The following HEG1 variants were observed in gnomAD, a reference collection of about 807,000 sequenced individuals.
The protein encoded by HEG1 is heart development protein with EGF like domains 1.
A neutral mutation model predicts 125.6 loss-of-function variants in HEG1; 56 were observed. The ratio of observed to expected loss-of-function variants is 0.45; its 90% CI spans 0.36 to 0.56. HEG1 has a LOEUF of 0.56. Ranked by LOEUF, HEG1 falls within the 20% of genes least tolerant of loss-of-function variation. HEG1 has a pLI of 0.00. For missense variants in HEG1, 1,523 were observed against 1,670.0 expected, an observed-to-expected ratio of 0.91 and a Z score of 1.53; for synonymous variants, 644 against 668.5, an observed-to-expected ratio of 0.96 and a Z score of 0.57.
chr3:125,014,465 C>T (rs1183254906), intron 5 of HEG1, among the ~76,000 whole-genome samples: 2 of 152,134 alleles, frequency 1.3e-5, no homozygotes, highest in Non-Finnish European at 1.5e-5. Context: ...AGTGGTTGGT[C>T]TCTTATTTTA....
In HEG1 at chr3:125,013,671, G is replaced by A. The variant is rs1471401677; in HGVS notation, c.1908C>T (p.Tyr636=). 1 of 1,613,892 alleles carries A rather than the reference G, an allele frequency of 6.2e-7. No individual in the cohort carries two copies. The highest frequency in any genetic ancestry group is 8.5e-7 in the Non-Finnish European group (1 of 1,179,844). The change falls in exon 6 of 17, where the codon TAC becomes TAT. Residue 636 remains tyrosine, a synonymous_variant. Coordinates refer to ENST00000311127, the MANE Select transcript of HEG1 (RefSeq NM_020733.2). ...TGTTCGGCATATTAATGGTGGGTGT[G>A]TAGGACGGAAGGTTGGATGTATGCA... ...PVLHTSNLPS[Y]TPTINMPNTS... is the part of the protein sequence containing the mutation.
Position 125,019,507 on chromosome 3 carries a change from G to A in HEG1, c.1343C>T (p.Pro448Leu), listed in dbSNP as rs774182554. The stretch of plus-strand genomic sequence containing the variant: ...TGCAGTGATCTCTCCACCTCTCATG[G>A]GTGCGACTGACCTAGACACAGTCTC... ...QTETVSRSVA[P>L]MRGGEITAHW... The change falls in exon 5 of 17, where the codon CCC becomes CTC. Residue 448 changes from proline to leucine, a missense_variant. Transcript: ENST00000311127. The A allele has an allele frequency of 4.3e-6, 7 of 1,613,942 alleles. 1 individual carries two copies. In the South Asian group the frequency reaches 7.7e-5, roughly 18 times the overall value.
In HEG1 at chr3:124,999,696, A is replaced by G. The variant is rs944217630; in HGVS notation, c.3518-1873T>C. On this transcript the variant is annotated intron_variant, in intron 11 of 16. Coordinates refer to ENST00000311127, the MANE Select transcript of HEG1 (RefSeq NM_020733.2). ...ACAAATTCTCAAAGAATATTCTACC[A>G]TAAATTCATCCAATAGGACCACGTA... Among the ~76,000 whole-genome samples the G allele has an allele frequency of 3.3e-5, 5 of 152,364 alleles. No homozygotes were observed. In the South Asian group the frequency reaches 6.2e-4, roughly 19 times the overall value.
At chr3:125,003,762 G>A (rs1280457611) in intron 9 of HEG1, among the ~76,000 whole-genome samples, 1 of 152,208 alleles carries the variant, frequency 6.6e-6, no homozygotes, top group African/African-American at 2.4e-5. Flanking sequence ...CTGTTGCCAG[G>A]AGGAGTTAAC....
intron 1 of HEG1, among the ~76,000 whole-genome samples, chr3:125,047,577 C>G (rs1579440766): frequency 1.3e-5 from 2 of 152,328 alleles, no homozygotes; most frequent in Admixed American, 1.3e-4. Context: ...TACACCCTGG[C>G]AAAAGATGAT....
intron 3 of HEG1, among the ~76,000 whole-genome samples, chr3:125,024,266 C>A (rs2107705412): frequency 6.6e-6 from 1 of 152,264 alleles, no homozygotes; most frequent in South Asian, 2.1e-4. Context: ...AATGTACTGC[C>A]CCCAAACACT....
intron 1 of HEG1, among the ~76,000 whole-genome samples, chr3:125,051,595 G>T (rs546073519): frequency 2.0e-5 from 3 of 152,304 alleles, no homozygotes; most frequent in African/African-American, 7.2e-5. Context: ...GTGTGAAGGC[G>T]CCGACCACAC....
chr3:125,013,369 G>T lies in HEG1; in HGVS notation c.2210C>A (p.Thr737Asn). ...AGGGGTAGAAGATGACTGTGGCAAG[G>T]TTGTTTGTGAGACAGAAAGTGGGGC... ...TSAPLSVSQT[T>N]LPQSSSTPVL... Residue 737 changes from threonine (T) to asparagine (N), a missense_variant, in exon 6 of 17, where the codon ACC becomes AAC. Coordinates refer to ENST00000311127, the MANE Select transcript of HEG1 (RefSeq NM_020733.2). The T allele has an allele frequency of 6.2e-7, 1 of 1,614,014 alleles. No homozygotes were observed. Among genetic ancestry groups the T allele is most frequent in the Non-Finnish European group, 8.5e-7 (1 of 1,179,894 alleles).
intron 1 of HEG1, among the ~76,000 whole-genome samples, chr3:125,038,487 C>A (rs1400216476): frequency 6.6e-6 from 1 of 152,234 alleles, no homozygotes; most frequent in Non-Finnish European, 1.5e-5. Flanking sequence ...CTGGAGCAGG[C>A]AACACCCCCA....
At chr3:125,047,276 T>C (rs139562889) in intron 1 of HEG1, among the ~76,000 whole-genome samples, 145 of 152,352 alleles carry the variant, frequency 9.5e-4, no homozygotes, top group Non-Finnish European at 1.6e-3. Flanking sequence ...CCAGTGTAAA[T>C]GGGCACTGGT....
rs1415863033 is a variant in HEG1 at position 124,970,458 on chromosome 3, G to A, written c.*194C>T. The A allele has an allele frequency of 3.4e-6, 2 of 579,788 alleles. No individual in the cohort carries two copies. Among genetic ancestry groups the A allele is most frequent in the Middle Eastern group, 4.6e-4 (1 of 2,194 alleles). 35.9% of individuals were successfully genotyped at this position (579,788 alleles called of 1,614,324 possible). A position where few individuals can be genotyped will look rare whatever the true frequency, so the allele number is the denominator to read the frequency against. ...TCACGTTCACAGTAACAACAAAGGT[G>A]CTGAATGAGCAGCCTGTGGTTCCAC... On this transcript the variant is annotated 3_prime_UTR_variant, in exon 17 of 17. Transcript: ENST00000311127.
chr3:125,006,523 A>G (rs1311062822), intron 8 of HEG1, among the ~76,000 whole-genome samples: 1 of 152,204 alleles, frequency 6.6e-6, no homozygotes, highest in African/African-American at 2.4e-5. Flanking sequence ...AGACCCACAA[A>G]TGAGCCAGGG....
chr3:125,041,327 A>C (rs1246675222), intron 1 of HEG1, among the ~76,000 whole-genome samples: 1 of 152,228 alleles, frequency 6.6e-6, no homozygotes, highest in Non-Finnish European at 1.5e-5. Flanking sequence ...CACAGGACTG[A>C]GGTCCAAGAG....
chr3:125,016,042 T>C (rs1465753439), intron 5 of HEG1, among the ~76,000 whole-genome samples: 3 of 152,194 alleles, frequency 2.0e-5, no homozygotes, highest in African/African-American at 7.2e-5. Flanking sequence ...GCTCAAGACC[T>C]GTGGAGAGCC....
Position 125,012,776 on chromosome 3 carries a change from C to A in HEG1, c.2803G>T (p.Ala935Ser). ...GAACGTGAAGCTGGGCTGTACTCTG[C>A]TGTAACGCCAAGCTTTGTGGTCATT... is the stretch of plus-strand genomic sequence containing the variant. ...KEMTTKLGVT[A>S]EYSPASRSLG... Residue 935 changes from alanine to serine, a missense_variant, in exon 6 of 17, where the codon GCA becomes TCA. Physicochemically the swap from Ala to Ser is moderately conservative, Grantham distance 99. Transcript: ENST00000311127. The A allele has an allele frequency of 6.2e-7, 1 of 1,614,050 alleles. No individual in the cohort carries two copies. Among genetic ancestry groups the A allele is most frequent in the Middle Eastern group, 1.6e-4 (1 of 6,062 alleles).
chr3:124,972,783 T>C (rs183159232), intron 16 of HEG1, among the ~76,000 whole-genome samples: 60 of 152,310 alleles, frequency 3.9e-4, no homozygotes, highest in Non-Finnish European at 7.6e-4. Flanking sequence ...TTTACAGGAA[T>C]ATGACACAGG....
At position 124,967,129 on chromosome 3, in the gene HEG1, T is replaced by G. The variant is rs564075579; in HGVS notation, c.*3523A>C. ...GTCTTAGCTGCTTCTGAAAATATACTTCCCCTCAAAGGAGGAAGATGTGTC... is the reference window on the plus strand; with the variant it reads ...GTCTTAGCTGCTTCTGAAAATATACGTCCCCTCAAAGGAGGAAGATGTGTC... On this transcript the variant is annotated 3_prime_UTR_variant, in exon 17 of 17. Transcript: ENST00000311127. The G allele has an allele frequency of 6.6e-6, 1 of 152,366 alleles. No homozygotes were observed. The highest frequency in any genetic ancestry group is 2.4e-5 in the African/African-American group (1 of 41,594). 9.4% of individuals were successfully genotyped at this position (152,366 alleles called of 1,614,324 possible). A position where few individuals can be genotyped will look rare whatever the true frequency, so the allele number is the denominator to read the frequency against.
chr3:124,997,602 A>G, intron 12 of HEG1, 87 bp downstream of exon 12: 1 of 1,350,168 alleles, frequency 7.4e-7, no homozygotes, highest in Non-Finnish European at 9.8e-7. Flanking sequence ...CGCCTAAGCA[A>G]AGACAGAGAG....
intron 2 of HEG1, 102 bp from the exon 3 acceptor site, chr3:125,027,609 A>C: frequency 1.1e-6 from 1 of 928,348 alleles, no homozygotes; most frequent in Non-Finnish European, 1.6e-6. Flanking sequence ...ATATACAGAC[A>C]TAAGAAGAAA....
Sources: gnomAD v4.1 joint callset for allele counts (sites outside exome capture counted in the v4.1 genomes callset) on GRCh38, gnomAD v4.1.1 for gene constraint, MANE v1.5 for transcripts, NCBI Gene and HGNC (gene_info 2026-07-23, HGNC 2026-07-21) for gene names.